Variants in DNAJC5B observed in about 807,000 individuals in gnomAD.
DNAJC5B encodes the protein dnaJ homolog subfamily C member 5B.
DNAJC5B carries 23 observed loss-of-function variants against 24.7 expected under a neutral mutation model. The ratio of observed to expected loss-of-function variants is 0.93; its 90% confidence interval spans 0.67 to 1.32. The LOEUF is 1.32. DNAJC5B is among the 40% of genes most tolerant of loss of function. The pLI is 0.00. For synonymous variants in DNAJC5B, 101 were observed against 90.1 expected, an observed-to-expected ratio of 1.12 and a Z score of -0.68; for missense variants, 238 against 240.8, an observed-to-expected ratio of 0.99 and a Z score of 0.08.
rs962496896 is a variant in DNAJC5B at position 66,062,814 on chromosome 8, G to A, written c.119+11148G>A. On this transcript the variant is annotated intron_variant, in intron 3 of 5. Coordinates refer to ENST00000276570, the MANE Select transcript of DNAJC5B (RefSeq NM_033105.6). ...TGCACACCAGCCTGGGTGACAGAGC[G>A]AGATCCTGTCTCTAAACAAAACAAA... is the stretch of plus-strand genomic sequence containing the variant. Among the ~76,000 whole-genome samples, 29 of 152,232 alleles carry A rather than the reference G, an allele frequency of 1.9e-4. No individual in the cohort carries two copies. The East Asian group carries it at 2.5e-3, about 13-fold the overall frequency.
chr8:66,080,730 G>A (rs992821442), intron 5 of DNAJC5B, among the ~76,000 whole-genome samples, 182 bp downstream of exon 5: 5 of 152,116 alleles, frequency 3.3e-5, no homozygotes, highest in Admixed American at 2.0e-4. Flanking sequence ...ACCTTTACCA[G>A]GCATAGAGAA....
chr8:66,049,710 G>A (rs187834016), intron 2 of DNAJC5B, among the ~76,000 whole-genome samples: 1 of 152,188 alleles, frequency 6.6e-6, no homozygotes, highest in Non-Finnish European at 1.5e-5. Context: ...CATAATCCGT[G>A]TAGTAGATTA....
intron 3 of DNAJC5B, among the ~76,000 whole-genome samples, chr8:66,071,910 G>C (rs778740665): frequency 8.7e-4 from 133 of 152,232 alleles, no homozygotes; most frequent in Non-Finnish European, 1.0e-3. Context: ...GGACATGGAT[G>C]AAGCTGGAAA....
chr8:66,046,309 C>T (rs1165711060), intron 2 of DNAJC5B, among the ~76,000 whole-genome samples: 1 of 152,200 alleles, frequency 6.6e-6, no homozygotes, highest in Non-Finnish European at 1.5e-5. Flanking sequence ...AGAGGGAAAA[C>T]ACTTGCCACC....
At chr8:66,033,369 CG>C (rs1563586510) in intron 1 of DNAJC5B, among the ~76,000 whole-genome samples, 1 of 152,168 alleles carries the variant, frequency 6.6e-6, no homozygotes, top group Non-Finnish European at 1.5e-5. Flanking sequence ...CTGGAAGGCC[CG>C]GGAAAGAGCT....
intron 5 of DNAJC5B, among the ~76,000 whole-genome samples, chr8:66,081,526 T>G (rs1046882468): frequency 6.6e-6 from 1 of 152,196 alleles, no homozygotes; most frequent in Non-Finnish European, 1.5e-5. Context: ...TGTACTCTGA[T>G]TCTTTTGATC....
intron 1 of DNAJC5B, among the ~76,000 whole-genome samples, chr8:66,030,320 C>T (rs1472978949): frequency 6.6e-6 from 1 of 152,214 alleles, no homozygotes; most frequent in African/African-American, 2.4e-5. Context: ...CTTCTTTTCT[C>T]TTCAAAGTCA....
intron 2 of DNAJC5B, among the ~76,000 whole-genome samples, chr8:66,050,394 G>A (rs1053289253): frequency 6.6e-6 from 1 of 152,174 alleles, no homozygotes; most frequent in African/African-American, 2.4e-5. Flanking sequence ...AAGAGTTGCA[G>A]GTGGACCCAA....
chr8:66,034,726 G>T (rs1450754941), intron 1 of DNAJC5B, among the ~76,000 whole-genome samples: 2 of 152,120 alleles, frequency 1.3e-5, no homozygotes, highest in East Asian at 3.9e-4. Flanking sequence ...TCATCTCAAA[G>T]AATATGGTGG....
chr8:66,070,336 A>G (rs1238149302), intron 3 of DNAJC5B, among the ~76,000 whole-genome samples: 4 of 152,240 alleles, frequency 2.6e-5, no homozygotes, highest in Non-Finnish European at 4.4e-5. Context: ...AAATCTCCTT[A>G]AGCTGATAAG....
intron 3 of DNAJC5B, among the ~76,000 whole-genome samples, chr8:66,059,601 C>T (rs144973267): frequency 6.6e-6 from 1 of 152,294 alleles, no homozygotes; most frequent in Non-Finnish European, 1.5e-5. Flanking sequence ...TACTCAGGTT[C>T]AAGACCCTTT....
intron 1 of DNAJC5B, among the ~76,000 whole-genome samples, chr8:66,040,585 T>G (rs1268849832): frequency 6.6e-6 from 1 of 152,186 alleles, no homozygotes; most frequent in Non-Finnish European, 1.5e-5. Flanking sequence ...CCACATTACT[T>G]GACTGGAGAG....
chr8:66,053,875 C>T (rs569986554), intron 3 of DNAJC5B, among the ~76,000 whole-genome samples: 21 of 151,548 alleles, frequency 1.4e-4, no homozygotes, highest in South Asian at 6.2e-4. Context: ...GTGATCCTTC[C>T]GCCTCAGCCT....
At chr8:66,065,479 G>A (rs1445579877) in intron 3 of DNAJC5B, among the ~76,000 whole-genome samples, 6 of 152,122 alleles carry the variant, frequency 3.9e-5, no homozygotes, top group East Asian at 1.9e-4. Flanking sequence ...ATGGTGCCCC[G>A]AGCTTTCTAT....
chr8:66,090,963 T>C (rs1311116341), intron 5 of DNAJC5B, among the ~76,000 whole-genome samples: 4 of 152,150 alleles, frequency 2.6e-5, no homozygotes, highest in African/African-American at 9.7e-5. Context: ...ATCAAGCTCT[T>C]GGGCCAGAGC....
At chr8:66,039,610 A>AT (rs1403713505) in intron 1 of DNAJC5B, among the ~76,000 whole-genome samples, 1 of 152,150 alleles carries the variant, frequency 6.6e-6, no homozygotes, top group Non-Finnish European at 1.5e-5. Context: ...TCAGCCTCCC[A>AT]AAGTGCTGGG....
At chr8:66,040,476 G>GT (rs1806584431) in intron 1 of DNAJC5B, among the ~76,000 whole-genome samples, 2 of 152,166 alleles carry the variant, frequency 1.3e-5, no homozygotes, top group East Asian at 1.9e-4. Context: ...TTTATTTTAT[G>GT]TTTTTTCACA....
intron 5 of DNAJC5B, among the ~76,000 whole-genome samples, chr8:66,094,009 T>C (rs1005060281): frequency 3.3e-5 from 5 of 152,160 alleles, no homozygotes; most frequent in African/African-American, 1.2e-4. Flanking sequence ...TCAATAGATA[T>C]ATGGAGCAGT....
intron 5 of DNAJC5B, among the ~76,000 whole-genome samples, chr8:66,098,376 G>A (rs953579879): frequency 2.6e-5 from 4 of 151,430 alleles, no homozygotes; most frequent in African/African-American, 9.7e-5. Context: ...CTAATTTTTG[G>A]ATTTTCAGTA....
Sources: gnomAD v4.1 joint callset for allele counts (sites outside exome capture counted in the v4.1 genomes callset) on GRCh38, gnomAD v4.1.1 for gene constraint, MANE v1.5 for transcripts, NCBI Gene and HGNC (gene_info 2026-07-23, HGNC 2026-07-21) for gene names.